Variants in MYOCOS observed in about 807,000 individuals in gnomAD.
MYOCOS encodes myocilin opposite strand protein.
upstream of MYOCOS, among the ~76,000 whole-genome samples, chr1:171,619,152 T>A (rs1285630145): frequency 2.0e-5 from 3 of 152,238 alleles, no homozygotes; most frequent in African/African-American, 7.2e-5. Context: ...GTTAAATGTA[T>A]GGACTTTGGT....
chr1:171,613,367 A>G (rs892937881), intron 1 of MYOCOS, among the ~76,000 whole-genome samples: 2 of 152,188 alleles, frequency 1.3e-5, no homozygotes, highest in Non-Finnish European at 2.9e-5. Context: ...CTTCAAGCCA[A>G]GTTGAGTTCT....
chr1:171,613,770 A>G (rs567521064), intron 1 of MYOCOS, among the ~76,000 whole-genome samples: 4 of 151,752 alleles, frequency 2.6e-5, no homozygotes, highest in Admixed American at 2.6e-4. Flanking sequence ...TTGGTCTTGA[A>G]CTCCTGAGCT....
intron 2 of MYOCOS, among the ~76,000 whole-genome samples, chr1:171,616,062 C>G (rs938760483): frequency 6.0e-5 from 9 of 151,022 alleles, no homozygotes; most frequent in Non-Finnish European, 1.2e-4. Context: ...ACTAAAAATA[C>G]AAAAATTTGC....
chr1:171,615,533 G>A (rs1652430782), intron 2 of MYOCOS, among the ~76,000 whole-genome samples: 1 of 152,188 alleles, frequency 6.6e-6, no homozygotes, highest in Non-Finnish European at 1.5e-5. Flanking sequence ...CCGGTGCCAG[G>A]CCTGAAACCA....
At chr1:171,605,921 G>T (rs1421145932) in intron 1 of MYOCOS, among the ~76,000 whole-genome samples, 1 of 152,168 alleles carries the variant, frequency 6.6e-6, no homozygotes. Context: ...TATCAAAATA[G>T]ACCAGCTCTT....
At chr1:171,624,537 C>T (rs1017825382) in intron 2 of MYOCOS, among the ~76,000 whole-genome samples, 5 of 151,900 alleles carry the variant, frequency 3.3e-5, no homozygotes, top group Middle Eastern at 3.4e-3. Flanking sequence ...CCCGGGTTCA[C>T]GGCATTCTCC....
At chr1:171,604,329 C>T (rs1652203101) in intron 1 of MYOCOS, 1 of 151,266 alleles carries the variant, frequency 6.6e-6, no homozygotes, top group South Asian at 2.1e-4. Flanking sequence ...CTTCAACTGA[C>T]CTTCCTCAGA....
upstream of MYOCOS, among the ~76,000 whole-genome samples, chr1:171,621,600 C>T (rs1019616214): frequency 2.0e-5 from 3 of 152,090 alleles, no homozygotes; most frequent in Non-Finnish European, 1.5e-5. Context: ...TGGTCTCAAT[C>T]TCCTGACCTC....
intron 1 of MYOCOS, chr1:171,604,120 A>G (rs973678385): frequency 6.1e-4 from 93 of 152,048 alleles, no homozygotes; most frequent in African/African-American, 2.0e-3. Flanking sequence ...AACCTCCGAG[A>G]CCACTGTTTA....
chr1:171,616,640 T>C (rs950195964), intron 2 of MYOCOS, among the ~76,000 whole-genome samples: 2 of 152,150 alleles, frequency 1.3e-5, no homozygotes, highest in African/African-American at 4.8e-5. Context: ...CTTGGACATG[T>C]CGAGTTTACA....
At chr1:171,621,520 C>A (rs191570778), upstream of MYOCOS, among the ~76,000 whole-genome samples, 73 of 151,914 alleles carry the variant, frequency 4.8e-4, no homozygotes, top group African/African-American at 1.7e-3. Flanking sequence ...GGACTACAGG[C>A]ACCCGCCACC....
At chr1:171,624,590 C>T (rs1310516892) in intron 2 of MYOCOS, among the ~76,000 whole-genome samples, 4 of 152,038 alleles carry the variant, frequency 2.6e-5, no homozygotes, top group African/African-American at 9.7e-5. Flanking sequence ...GCGCCCGCCA[C>T]GACGCCCGGC....
At chr1:171,618,865 C>A (rs949903446), upstream of MYOCOS, among the ~76,000 whole-genome samples, 3 of 151,946 alleles carry the variant, frequency 2.0e-5, no homozygotes, top group Non-Finnish European at 4.4e-5. Context: ...CATGAACCAC[C>A]ATGTCTGGAC....
At chr1:171,623,069 A>C (rs1169776392) in intron 1 of MYOCOS, among the ~76,000 whole-genome samples, 1 of 152,098 alleles carries the variant, frequency 6.6e-6, no homozygotes, top group East Asian at 1.9e-4. Flanking sequence ...TCTCTACAAA[A>C]AATACAAAAA....
chr1:171,609,145 C>A (rs1652306778), intron 1 of MYOCOS, among the ~76,000 whole-genome samples: 1 of 152,224 alleles, frequency 6.6e-6, no homozygotes, highest in South Asian at 2.1e-4. Flanking sequence ...TGATGGCTTA[C>A]ACAGGCCCTA....
At chr1:171,605,342 G>A (rs920591821) in intron 1 of MYOCOS, among the ~76,000 whole-genome samples, 1 of 146,552 alleles carries the variant, frequency 6.8e-6, no homozygotes, top group Admixed American at 7.0e-5. Flanking sequence ...GGATGACTTA[G>A]TTGCCTAAGA....
intron 1 of MYOCOS, among the ~76,000 whole-genome samples, chr1:171,601,531 G>GA (rs1652142803): frequency 6.6e-6 from 1 of 151,676 alleles, no homozygotes; most frequent in Admixed American, 6.6e-5. Context: ...ACCCCACTGG[G>GA]AACTATGTTA....
intron 1 of MYOCOS, among the ~76,000 whole-genome samples, chr1:171,607,540 T>G (rs1652274268): frequency 6.6e-6 from 1 of 152,210 alleles, no homozygotes; most frequent in South Asian, 2.1e-4. Flanking sequence ...ACTGAACTTC[T>G]AAAATGTGGT....
intron 1 of MYOCOS, among the ~76,000 whole-genome samples, chr1:171,609,333 C>T (rs1652312493): frequency 6.6e-6 from 1 of 152,172 alleles, no homozygotes; most frequent in Admixed American, 6.5e-5. Flanking sequence ...GTCAAGTATC[C>T]CTGCTGTATA....
Sources: allele counts gnomAD v4.1 joint callset (sites outside exome capture counted in the v4.1 genomes callset), GRCh38; gene constraint gnomAD v4.1.1; transcripts MANE v1.5; gene names NCBI Gene and HGNC (gene_info 2026-07-23, HGNC 2026-07-21).